The following LMOD1 variants were observed in gnomAD, a reference collection of about 807,000 sequenced individuals.
The protein encoded by LMOD1 is leiomodin-1.
LMOD1 carries 8 observed loss-of-function variants against 36.5 expected under a neutral mutation model. The observed-to-expected ratio is 0.22, with a 90% confidence interval of 0.13 to 0.40. The LOEUF is 0.40. Ranked by LOEUF, LMOD1 falls within the 10% of genes least tolerant of loss-of-function variation. The pLI, the probability that LMOD1 is intolerant of heterozygous loss-of-function variation, is 1.00. For synonymous variants in LMOD1, 284 were observed against 288.7 expected (o/e 0.98, Z 0.17); for missense variants, 630 against 751.1 (o/e 0.84, Z 1.88).
intron 1 of LMOD1, among the ~76,000 whole-genome samples, chr1:201,911,929 T>C (rs1392415003): frequency 6.6e-6 from 1 of 152,174 alleles, no homozygotes; most frequent in Non-Finnish European, 1.5e-5. Context: ...TGAATGGCAC[T>C]AACTACAGGG....
At chr1:201,926,225 G>C (rs1015294912) in intron 1 of LMOD1, among the ~76,000 whole-genome samples, 1 of 152,136 alleles carries the variant, frequency 6.6e-6, no homozygotes, top group East Asian at 1.9e-4. Context: ...TGTTTCTCTG[G>C]GCTATGGAGT....
Position 201,899,034 on chromosome 1 carries a change from T to C in LMOD1, c.1776+203A>G. 1 of 492,242 alleles carries C rather than the reference T, an allele frequency of 2.0e-6. No individual in the cohort carries two copies. Among genetic ancestry groups the C allele is most frequent in the African/African-American group, 1.9e-5 (1 of 52,492 alleles). The allele number at this position is 492,242 out of a possible 1,614,324, so 30.5% of individuals were successfully genotyped here. The stretch of plus-strand genomic sequence containing the variant: ...AGCTCCTTAAAGGAAGGGTAGAGTC[T>C]CAGCTCTAGGGGATATACAGGTGTG... On this transcript the variant is annotated intron_variant, in intron 2 of 2. Coordinates refer to ENST00000367288, the MANE Select transcript of LMOD1 (RefSeq NM_012134.3). This position sits in a 1 kb window ranked among gnomAD's most constrained non-coding sequence, Gnocchi z 6.3.
intron 1 of LMOD1, among the ~76,000 whole-genome samples, chr1:201,901,587 T>TATGTATATATATATATATAC (rs1681316901): frequency 3.0e-5 from 1 of 33,232 alleles, no homozygotes; most frequent in African/African-American, 1.2e-4. Context: ...TATATATACA[T>TATGTATATATATATATATAC]ATATATATGT....
chr1:201,945,935 C>A, intron 1 of LMOD1, 145 bp downstream of exon 1: 1 of 821,072 alleles, frequency 1.2e-6, no homozygotes. Flanking sequence ...ACCGCTAGTT[C>A]AGTGGATAAT....
intron 1 of LMOD1, among the ~76,000 whole-genome samples, chr1:201,934,663 T>A (rs1681986725): frequency 6.6e-6 from 1 of 152,312 alleles, no homozygotes; most frequent in Admixed American, 6.5e-5. Context: ...CCAATCCTTA[T>A]CCATATTCTC....
chr1:201,941,694 G>A (rs921159127), intron 1 of LMOD1, among the ~76,000 whole-genome samples: 1 of 152,234 alleles, frequency 6.6e-6, no homozygotes, highest in Non-Finnish European at 1.5e-5. Flanking sequence ...GGGGGAGGGG[G>A]CTGCTGAGGC....
At chr1:201,936,096 CAAAAAAAA>C (rs61077548) in intron 1 of LMOD1, among the ~76,000 whole-genome samples, 1 of 73,096 alleles carries the variant, frequency 1.4e-5, no homozygotes, top group Non-Finnish European at 2.9e-5. Flanking sequence ...GACCTTGTCT[CAAAAAAAA>C]AAAAAAAAAA....
chr1:201,923,702 A>G (rs1681745241), intron 1 of LMOD1, among the ~76,000 whole-genome samples: 1 of 152,078 alleles, frequency 6.6e-6, no homozygotes, highest in South Asian at 2.1e-4. Flanking sequence ...CATCTCTACT[A>G]AAAATACAAA....
intron 1 of LMOD1, among the ~76,000 whole-genome samples, chr1:201,914,638 A>G (rs1042257454): frequency 6.6e-6 from 1 of 152,026 alleles, no homozygotes; most frequent in Non-Finnish European, 1.5e-5. Flanking sequence ...ATTTCTTCCC[A>G]GGCAGACAGA....
chr1:201,900,734 C>T lies in LMOD1; in HGVS notation c.279G>A (p.Glu93=), dbSNP rs1172604701. 1 of 1,580,316 alleles carries T rather than the reference C, an allele frequency of 6.3e-7. No homozygotes were observed. The highest frequency in any genetic ancestry group is 1.2e-5 in the South Asian group (1 of 86,522). ...CTCCATTCTTGGCATCTGTCTTGGT[C>T]TCCACTTGCTTGCTTTCCTAAGAAT... ...EMSMDESKQV[E]TKTDAKNGEE... is the part of the protein sequence containing the mutation. Residue 93 remains glutamate (E), a synonymous_variant, in exon 2 of 3, where the codon GAG becomes GAA. Transcript: ENST00000367288.
Position 201,899,449 on chromosome 1 carries a change from T to C in LMOD1, c.1564A>G (p.Lys522Glu). 6.2e-7 allele frequency: 1 copy of C among 1,613,878 alleles called. No homozygotes were observed. The highest frequency in any genetic ancestry group is 1.1e-5 in the South Asian group (1 of 91,076). The change falls in exon 2 of 3, where the codon AAG (lysine) becomes GAG (glutamate). Residue 522 changes from lysine (K) to glutamate (E), a missense_variant. Physicochemically the swap from Lys to Glu is moderately conservative, Grantham distance 56 (BLOSUM62 1). Coordinates refer to ENST00000367288, the MANE Select transcript of LMOD1 (RefSeq NM_012134.3). This position sits in a 1 kb window ranked among gnomAD's most constrained non-coding sequence, Gnocchi z 6.3. Reference sequence around the variant, plus strand: ...GCACCCCCTTTTTTGGGTGAGTTCTTTGGAGAGGGCTTTGGAGATGGTTGA... The same window carrying C: ...GCACCCCCTTTTTTGGGTGAGTTCTCTGGAGAGGGCTTTGGAGATGGTTGA... ...SPQPSPKPSP[K>E]NSPKKGGAPA...
intron 1 of LMOD1, among the ~76,000 whole-genome samples, chr1:201,904,457 G>T (rs1220320773): frequency 1.3e-5 from 2 of 152,168 alleles, no homozygotes; most frequent in Non-Finnish European, 2.9e-5. Context: ...TGATCCACCT[G>T]CCTCGGCCTC....
intron 1 of LMOD1, among the ~76,000 whole-genome samples, chr1:201,924,527 G>GGGAA (rs545600227): frequency 1.2e-5 from 1 of 86,048 alleles, no homozygotes; most frequent in Non-Finnish European, 2.3e-5. Context: ...GAGGGAGGAA[G>GGGAA]GGAAGGAAGG....
intron 1 of LMOD1, among the ~76,000 whole-genome samples, chr1:201,905,392 T>C (rs182251497): frequency 6.6e-6 from 1 of 152,366 alleles, no homozygotes; most frequent in Non-Finnish European, 1.5e-5. Context: ...TAGGTTCAGA[T>C]GGGCAGAGCA....
chr1:201,906,457 G>T (rs1463287884), intron 1 of LMOD1, among the ~76,000 whole-genome samples: 1 of 152,098 alleles, frequency 6.6e-6, no homozygotes, highest in Admixed American at 6.6e-5. Context: ...AGCCACCTAG[G>T]GACTTCCTGA....
At chr1:201,921,441 T>C (rs1434362686) in intron 1 of LMOD1, among the ~76,000 whole-genome samples, 2 of 133,542 alleles carry the variant, frequency 1.5e-5, no homozygotes, top group Non-Finnish European at 3.0e-5. Context: ...TGAGCTGAGA[T>C]TGCACCACTG....
intron 1 of LMOD1, among the ~76,000 whole-genome samples, chr1:201,934,368 T>C (rs1378164092): frequency 1.3e-5 from 2 of 152,126 alleles, no homozygotes; most frequent in African/African-American, 4.8e-5. Flanking sequence ...ACCACACTTA[T>C]CAACCTGGCT....
rs1681763550 is a variant in LMOD1, at chr1:201,924,357, G to A, written c.261+21723C>T. On this transcript the variant is annotated intron_variant, in intron 1 of 2. Coordinates refer to ENST00000367288, the MANE Select transcript of LMOD1 (RefSeq NM_012134.3). ...AAAAAAAGAAAGCAAGGGAAGGAGG[G>A]AGGGAGAGAGGGAGGGAGGGAGGGA... Among the ~76,000 whole-genome samples the A allele has an allele frequency of 2.4e-5, 3 of 125,322 alleles. No homozygotes were observed. The South Asian group carries it at 8.8e-4, about 37-fold the overall frequency. 82.2% of individuals were successfully genotyped at this position (125,322 alleles called of 152,430 possible).
At position 201,917,608 on chromosome 1, in the gene LMOD1, T is replaced by A. The variant is rs186276741; in HGVS notation, c.262-16857A>T. Among the ~76,000 whole-genome samples the A allele has an allele frequency of 2.1e-3, 322 of 150,860 alleles. 1 individual carries two copies. Among genetic ancestry groups the A allele is most frequent in the Middle Eastern group, 0.017 (5 of 292 alleles). On this transcript the variant is annotated intron_variant, in intron 1 of 2. Coordinates refer to ENST00000367288, the MANE Select transcript of LMOD1 (RefSeq NM_012134.3). ...CTGGGAAGCTTGTAGCAAACCCCAT[T>A]TTTGGAGAAACCGGGAAATCTCTTT...
Sources: allele counts gnomAD v4.1 joint callset (sites outside exome capture counted in the v4.1 genomes callset), GRCh38; gene constraint gnomAD v4.1.1; non-coding constraint Gnocchi (gnomAD v3.1); transcripts MANE v1.5; gene names NCBI Gene and HGNC (gene_info 2026-07-23, HGNC 2026-07-21).